AGBL1: variants seen among roughly 807,000 people sequenced by gnomAD.
AGBL1 encodes AGBL carboxypeptidase 1.
In AGBL1, 130 loss-of-function variants were observed where a neutral mutation model predicts 118.9. That is an observed-to-expected ratio of 1.09 (90% CI 0.95 to 1.26). AGBL1 has a LOEUF of 1.26. Among genes scored for constraint, AGBL1 ranks in the 50% most tolerant of loss-of-function variants. The probability of loss-of-function intolerance (pLI) is 0.00; values close to 1 mark genes in which losing one functional copy is unlikely to be tolerated. For missense variants in AGBL1, 1,584 were observed against 1,298.1 expected, an observed-to-expected ratio of 1.22 and a Z score of -3.38; for synonymous variants, 555 against 478.9, an observed-to-expected ratio of 1.16 and a Z score of -2.08.
At chr15:86,120,012 A>G (rs28628400) in intron 1 of AGBL1, among the ~76,000 whole-genome samples, 23,341 of 152,158 alleles carry the variant, frequency 0.15, 1,973 homozygotes, top group African/African-American at 0.22. Flanking sequence ...TCTCGCACTC[A>G]TTCATCTACT....
chr15:87,009,599 A>G (rs999174149), intron 24 of AGBL1, among the ~76,000 whole-genome samples: 11 of 152,116 alleles, frequency 7.2e-5, no homozygotes, highest in African/African-American at 2.2e-4. Flanking sequence ...CGATAAATCC[A>G]CTGACAGCTT....
chr15:87,027,070 A>G (rs977673293), intron 24 of AGBL1, among the ~76,000 whole-genome samples: 3 of 152,020 alleles, frequency 2.0e-5, no homozygotes, highest in Non-Finnish European at 4.4e-5. Flanking sequence ...CCAAAATCTC[A>G]CAAATCACCA....
In AGBL1 at chr15:86,909,892, G is replaced by A. The variant is rs1435596200; in HGVS notation, c.*2598G>A. ...GACCATGACAGATAAGTTTTTATGT[G>A]GCATGTTCAGAAAAAGCCAGGAACA... On this transcript the variant is annotated 3_prime_UTR_variant, in exon 23 of 23. Coordinates refer to ENST00000614907, the MANE Select transcript of AGBL1 (RefSeq NM_001386094.1). The A allele has an allele frequency of 6.6e-6, 1 of 152,112 alleles. No homozygotes were observed. Among genetic ancestry groups the A allele is most frequent in the Admixed American group, 6.6e-5 (1 of 15,248 alleles). 9.4% of individuals were successfully genotyped at this position (152,112 alleles called of 1,614,324 possible). A position where few individuals can be genotyped will look rare whatever the true frequency, so the allele number is the denominator to read the frequency against.
chr15:87,022,697 G>A (rs2081678389), intron 24 of AGBL1, among the ~76,000 whole-genome samples: 1 of 152,052 alleles, frequency 6.6e-6, no homozygotes, highest in South Asian at 2.1e-4. Flanking sequence ...CTTAAGAGCT[G>A]TGAGACAAAA....
intron 24 of AGBL1, among the ~76,000 whole-genome samples, chr15:86,997,939 T>C (rs1275445700): frequency 6.6e-6 from 1 of 150,376 alleles, no homozygotes; most frequent in Non-Finnish European, 1.5e-5. Flanking sequence ...ACACACACTT[T>C]GCCTATTTTT....
At chr15:86,882,998 A>G (rs529243058) in intron 22 of AGBL1, among the ~76,000 whole-genome samples, 3 of 152,362 alleles carry the variant, frequency 2.0e-5, no homozygotes, top group African/African-American at 7.2e-5. Context: ...AAATGAATTT[A>G]GAGGAGTTGC....
chr15:86,506,070 A>G (rs80186691), intron 18 of AGBL1, among the ~76,000 whole-genome samples: 3,527 of 152,136 alleles, frequency 0.023, 130 homozygotes, highest in African/African-American at 0.08. Context: ...TCTGTAACTA[A>G]TAAGTCTCAT....
At chr15:86,878,457 C>T (rs1314009063) in intron 22 of AGBL1, among the ~76,000 whole-genome samples, 1 of 152,152 alleles carries the variant, frequency 6.6e-6, no homozygotes, top group Non-Finnish European at 1.5e-5. Context: ...CTCTTTTCTC[C>T]ACAAGGCCAT....
intron 1 of AGBL1, among the ~76,000 whole-genome samples, chr15:86,124,917 T>C (rs16948517): frequency 0.017 from 2,660 of 152,288 alleles, 85 homozygotes; most frequent in African/African-American, 0.06. Flanking sequence ...AGCTGATTGA[T>C]GTTAGAATGG....
At chr15:86,329,757 C>A (rs575228222) in intron 17 of AGBL1, among the ~76,000 whole-genome samples, 4 of 150,422 alleles carry the variant, frequency 2.7e-5, no homozygotes, top group Non-Finnish European at 4.4e-5. Context: ...TGGGTAAATG[C>A]GGGCCCTCTA....
intron 17 of AGBL1, among the ~76,000 whole-genome samples, chr15:86,323,766 GA>G (rs1180369082): frequency 6.6e-6 from 1 of 152,142 alleles, no homozygotes; most frequent in African/African-American, 2.4e-5. Flanking sequence ...TGTGACTTCT[GA>G]AACTATCCTT....
intron 18 of AGBL1, among the ~76,000 whole-genome samples, chr15:86,408,064 G>A (rs926751652): frequency 6.6e-6 from 1 of 152,064 alleles, no homozygotes. Context: ...CCCAGCAGGC[G>A]TTTCTGTCTC....
rs563720756 is a variant in AGBL1, at chr15:86,131,676, G to A, written c.52-10328G>A. Among the ~76,000 whole-genome samples the A allele has an allele frequency of 2.5e-3, 377 of 152,206 alleles. 2 individuals carry two copies. The highest frequency in any genetic ancestry group is 0.023 in the South Asian group (111 of 4,822). ...AATAATCATAATATTGGCCAGGTGC[G>A]GTGGCTCACGCCTGTAAATCCCAGC... is the stretch of plus-strand genomic sequence containing the variant. On this transcript the variant is annotated intron_variant, in intron 1 of 22. Coordinates refer to ENST00000614907, the MANE Select transcript of AGBL1 (RefSeq NM_001386094.1).
intron 16 of AGBL1, among the ~76,000 whole-genome samples, chr15:86,280,290 G>A (rs1261417360): frequency 6.6e-6 from 1 of 152,126 alleles, no homozygotes; most frequent in Non-Finnish European, 1.5e-5. Context: ...GTGGCTAGAA[G>A]GATCCAGGGT....
At chr15:86,718,003 G>A (rs549247869) in intron 22 of AGBL1, among the ~76,000 whole-genome samples, 36 of 152,306 alleles carry the variant, frequency 2.4e-4, no homozygotes, top group African/African-American at 8.2e-4. Flanking sequence ...ACTTGAACCT[G>A]GGAGGTGGAG....
intron 23 of AGBL1, among the ~76,000 whole-genome samples, chr15:86,947,547 A>G (rs990169394): frequency 6.6e-6 from 1 of 152,194 alleles, no homozygotes; most frequent in Non-Finnish European, 1.5e-5. Flanking sequence ...ATTCCAGCGA[A>G]TTTTTTATTA....
chr15:86,200,922 C>G (rs908248637), intron 5 of AGBL1, among the ~76,000 whole-genome samples: 1 of 152,038 alleles, frequency 6.6e-6, no homozygotes, highest in Non-Finnish European at 1.5e-5. Context: ...GGCGAGGAAT[C>G]ATGAATTCTT....
At chr15:86,123,579 G>A (rs1214839106) in intron 1 of AGBL1, among the ~76,000 whole-genome samples, 7 of 152,136 alleles carry the variant, frequency 4.6e-5, no homozygotes, top group Non-Finnish European at 7.3e-5. Flanking sequence ...CCTTTCTATT[G>A]ATCCCGGGCT....
chr15:86,312,157 A>T (rs964280542), intron 17 of AGBL1: 2 of 152,250 alleles, frequency 1.3e-5, no homozygotes, highest in African/African-American at 4.8e-5. Context: ...AGATTACAGA[A>T]TGCTGAGATT....
Sources: allele counts gnomAD v4.1 joint callset (sites outside exome capture counted in the v4.1 genomes callset), GRCh38; gene constraint gnomAD v4.1.1; transcripts MANE v1.5; gene names NCBI Gene and HGNC (gene_info 2026-07-23, HGNC 2026-07-21).